Variants in TRPC4 observed in about 807,000 individuals in gnomAD.
TRPC4 encodes the protein short transient receptor potential channel 4.
TRPC4 carries 49 observed loss-of-function variants against 99.4 expected under a neutral mutation model. The ratio of observed to expected loss-of-function variants is 0.49; its 90% CI spans 0.39 to 0.63. TRPC4 has a LOEUF of 0.63. TRPC4 is among the 20% of genes least tolerant of loss of function. TRPC4 has a pLI of 0.00. For missense variants in TRPC4, 898 were observed against 1,152.9 expected (o/e 0.78, Z 3.20); for synonymous variants, 454 against 425.9 (o/e 1.07, Z -0.81).
chr13:37,820,324 T>C lies in TRPC4; in HGVS notation c.-27-36964A>G, dbSNP rs116160129. 8.8e-3 allele frequency among the ~76,000 whole-genome samples: 1,331 copies of C among 151,996 alleles called. 16 individuals carry two copies. Among genetic ancestry groups the C allele is most frequent in the African/African-American group, 0.03 (1,258 of 41,492 alleles). ...TAAAAATCCTACCAACCAGAACATG[T>C]CTAGGATATGATGAATTCACAGTGA... On this transcript the variant is annotated intron_variant, in intron 1 of 10. Coordinates refer to ENST00000379705, the MANE Select transcript of TRPC4 (RefSeq NM_016179.4).
chr13:37,633,534 T>G lies in TRPC4; in HGVS notation c.*3369A>C, dbSNP rs1020618789. Among the ~76,000 whole-genome samples, 3 of 152,202 alleles carry G rather than the reference T, an allele frequency of 2.0e-5. No homozygotes were observed. The highest frequency in any genetic ancestry group is 7.2e-5 in the African/African-American group (3 of 41,462). On this transcript the variant is annotated 3_prime_UTR_variant, in exon 11 of 11. Transcript: ENST00000379705. Reference sequence around the variant, plus strand: ...TGAATGTTAGAAGAATATATTCTTATGCTATTGTTACTTATGTTTCCTCCA... The same window carrying G: ...TGAATGTTAGAAGAATATATTCTTAGGCTATTGTTACTTATGTTTCCTCCA...
chr13:37,866,860 T>TGGGG (rs1959788758), intron 1 of TRPC4, among the ~76,000 whole-genome samples: 1 of 78,690 alleles, frequency 1.3e-5, no homozygotes, highest in Non-Finnish European at 2.5e-5. Flanking sequence ...GGGGGGCGGG[T>TGGGG]ATAGGGTATA....
rs1020649735 is a variant in TRPC4, at chr13:37,633,786, T to C, written c.*3117A>G. Among the ~76,000 whole-genome samples the C allele has an allele frequency of 4.6e-5, 7 of 152,108 alleles. No homozygotes were observed. Among genetic ancestry groups the C allele is most frequent in the African/African-American group, 1.7e-4 (7 of 41,452 alleles). On this transcript the variant is annotated 3_prime_UTR_variant, in exon 11 of 11. Transcript: ENST00000379705. ...ATTCAATTCATGAAACAGATACATT[T>C]TGAGGATGTTTAGCACTTTGAAAAA...
chr13:37,860,697 C>G (rs975071539), intron 1 of TRPC4, among the ~76,000 whole-genome samples: 1 of 151,356 alleles, frequency 6.6e-6, no homozygotes, highest in Non-Finnish European at 1.5e-5. Context: ...ATATGCACCA[C>G]CTACATATGG....
At chr13:37,836,160 AG>A (rs1469952584) in intron 1 of TRPC4, among the ~76,000 whole-genome samples, 1 of 152,092 alleles carries the variant, frequency 6.6e-6, no homozygotes, top group Non-Finnish European at 1.5e-5. Flanking sequence ...CCTGATTGTG[AG>A]GCTTCCCCAG....
At chr13:37,712,011 G>A (rs947822769) in intron 3 of TRPC4, among the ~76,000 whole-genome samples, 3 of 151,142 alleles carry the variant, frequency 2.0e-5, no homozygotes, top group Non-Finnish European at 4.4e-5. Flanking sequence ...TGCATTTTAC[G>A]CTTTCAGCAT....
At chr13:37,843,594 C>A (rs1159107835) in intron 1 of TRPC4, among the ~76,000 whole-genome samples, 6 of 151,990 alleles carry the variant, frequency 3.9e-5, no homozygotes, top group Non-Finnish European at 7.4e-5. Flanking sequence ...GTTAATATAT[C>A]AACTGCTTAA....
intron 6 of TRPC4, among the ~76,000 whole-genome samples, chr13:37,662,699 T>G (rs1043577396): frequency 6.6e-6 from 1 of 152,196 alleles, no homozygotes; most frequent in Non-Finnish European, 1.5e-5. Flanking sequence ...CAGCTACTGG[T>G]TAACCGTCTG....
intron 1 of TRPC4, among the ~76,000 whole-genome samples, chr13:37,822,274 GT>G (rs887569331): frequency 6.1e-4 from 82 of 134,492 alleles, no homozygotes; most frequent in Middle Eastern, 3.9e-3. Flanking sequence ...AATCAGAATG[GT>G]TTTTTTTTTA....
intron 1 of TRPC4, among the ~76,000 whole-genome samples, chr13:37,864,954 AT>A (rs1959640012): frequency 6.6e-6 from 1 of 151,808 alleles, no homozygotes; most frequent in East Asian, 1.9e-4. Flanking sequence ...TATTGATTCA[AT>A]TATTCATTTA....
intron 8 of TRPC4, among the ~76,000 whole-genome samples, chr13:37,643,952 A>G (rs140927765): frequency 1.3e-5 from 2 of 152,212 alleles, no homozygotes; most frequent in Admixed American, 6.5e-5. Flanking sequence ...TGTTCTTACA[A>G]GGACCCTATT....
At chr13:37,655,390 AC>A (rs1952196050) in intron 6 of TRPC4, 107 bp from the exon 7 acceptor site, 1 of 377,950 alleles carries the variant, frequency 2.6e-6, no homozygotes, top group African/African-American at 2.3e-5. Flanking sequence ...TATATAATTA[AC>A]TTAAACATTA....
intron 3 of TRPC4, among the ~76,000 whole-genome samples, chr13:37,692,723 T>C (rs1197565229): frequency 1.3e-5 from 2 of 152,368 alleles, no homozygotes; most frequent in East Asian, 1.9e-4. Flanking sequence ...GATATAGTTG[T>C]TATCTCTTGG....
intron 2 of TRPC4, among the ~76,000 whole-genome samples, chr13:37,764,745 T>C (rs1209523013): frequency 6.6e-6 from 1 of 151,134 alleles, no homozygotes; most frequent in Non-Finnish European, 1.5e-5. Context: ...CCATTCTTGG[T>C]TTGCTAAAGT....
chr13:37,766,121 T>C (rs1318600624), intron 2 of TRPC4, among the ~76,000 whole-genome samples: 1 of 151,512 alleles, frequency 6.6e-6, no homozygotes, highest in Non-Finnish European at 1.5e-5. Context: ...TGCAGTGAAA[T>C]ACATCTTAGT....
At chr13:37,739,598 T>C (rs1279126306) in intron 3 of TRPC4, among the ~76,000 whole-genome samples, 1 of 150,476 alleles carries the variant, frequency 6.6e-6, no homozygotes. Context: ...CTCCGCTTCC[T>C]GGGTTCAAGC....
intron 1 of TRPC4, among the ~76,000 whole-genome samples, chr13:37,858,646 T>C (rs1442216063): frequency 6.6e-6 from 1 of 151,180 alleles, no homozygotes; most frequent in Non-Finnish European, 1.5e-5. Context: ...GAACTGGAGG[T>C]ATTATGTTAA....
intron 8 of TRPC4, 57 bp downstream of exon 8, chr13:37,651,208 A>AAT: frequency 1.9e-6 from 3 of 1,588,916 alleles, no homozygotes; most frequent in African/African-American, 1.4e-5. Context: ...AAAGAATACA[A>AAT]ATATATTCAA....
chr13:37,680,461 T>G lies in TRPC4; in HGVS notation c.1235-6094A>C, dbSNP rs369125407. ...AAACAGAGGTTTGGATTACATGGCTTTTACAAAGTATGATTTTATCCTAAC... is the reference window on the plus strand; with the variant it reads ...AAACAGAGGTTTGGATTACATGGCTGTTACAAAGTATGATTTTATCCTAAC... On this transcript the variant is annotated intron_variant, in intron 4 of 10. Coordinates refer to ENST00000379705, the MANE Select transcript of TRPC4 (RefSeq NM_016179.4). 9.2e-5 allele frequency among the ~76,000 whole-genome samples: 14 copies of G among 152,196 alleles called. No homozygotes were observed. The East Asian group carries it at 9.6e-4, about 10-fold the overall frequency.
Sources: allele counts gnomAD v4.1 joint callset (sites outside exome capture counted in the v4.1 genomes callset), GRCh38; gene constraint gnomAD v4.1.1; transcripts MANE v1.5; gene names NCBI Gene and HGNC (gene_info 2026-07-23, HGNC 2026-07-21).